Variants in ATG7 observed in about 807,000 individuals in gnomAD.
The protein encoded by ATG7 is ubiquitin-like modifier-activating enzyme ATG7.
In ATG7, 70 loss-of-function variants were observed where a neutral mutation model predicts 82.4. The observed-to-expected ratio is 0.85, with a 90% confidence interval of 0.70 to 1.04. ATG7 has a LOEUF of 1.04. Among genes scored for constraint, ATG7 ranks in the 50% least tolerant of loss-of-function variants. ATG7 has a pLI of 0.00. For synonymous variants in ATG7, 287 were observed against 313.0 expected, an observed-to-expected ratio of 0.92 and a Z score of 0.88; for missense variants, 792 against 864.3, an observed-to-expected ratio of 0.92 and a Z score of 1.05.
At chr3:11,312,459 G>A (rs1948811691) in intron 7 of ATG7, among the ~76,000 whole-genome samples, 1 of 152,152 alleles carries the variant, frequency 6.6e-6, no homozygotes, top group Non-Finnish European at 1.5e-5. Context: ...CCCTGGTGGG[G>A]GATCGGTCAG....
intron 11 of ATG7, among the ~76,000 whole-genome samples, chr3:11,336,290 T>C (rs1174334915): frequency 1.3e-5 from 2 of 151,910 alleles, no homozygotes; most frequent in Admixed American, 1.3e-4. Flanking sequence ...TGCCTCAGCC[T>C]CCCAAGGTGC....
chr3:11,429,028 C>T (rs567993225), intron 20 of ATG7, among the ~76,000 whole-genome samples: 2 of 152,166 alleles, frequency 1.3e-5, no homozygotes, highest in African/African-American at 2.4e-5. Context: ...CCTGAGTTTT[C>T]TTTTTGAATT....
downstream of ATG7, chr3:11,558,885 C>A (rs147201643): frequency 9.9e-5 from 157 of 1,579,586 alleles, 3 homozygotes; most frequent in South Asian, 1.8e-3. Context: ...CAGACAGGCA[C>A]GGTTGCAGCA....
intron 20 of ATG7, among the ~76,000 whole-genome samples, chr3:11,511,937 G>A (rs1293528568): frequency 6.6e-6 from 1 of 152,094 alleles, no homozygotes; most frequent in Non-Finnish European, 1.5e-5. Context: ...CAGCTGGCCT[G>A]CAAGCGCCGC....
intron 7 of ATG7, among the ~76,000 whole-genome samples, chr3:11,310,799 A>G (rs1488536519): frequency 6.6e-6 from 1 of 151,854 alleles, no homozygotes. Context: ...CACCCGGCTA[A>G]TTTTTTGTAT....
intron 9 of ATG7, among the ~76,000 whole-genome samples, chr3:11,322,828 G>A (rs1950385769): frequency 6.6e-6 from 1 of 152,238 alleles, no homozygotes; most frequent in South Asian, 2.1e-4. Context: ...GCTGAGCGTG[G>A]TGGCTCACGC....
chr3:11,566,962 C>T, the ATG7 span, among the ~76,000 whole-genome samples: 4 of 152,190 alleles, frequency 2.6e-5, no homozygotes, highest in African/African-American at 9.6e-5. Context: ...TGTGGGTGGG[C>T]AGAATCATGG....
rs1279155573 is a variant in ATG7 at position 11,557,488 on chromosome 3, C to A, written c.*2645C>A. ...TAAATGATGTCAGCCTGCAGCCAAA[C>A]TCCAGCATCCCACACCGCAGCTGAC... On this transcript the variant is annotated 3_prime_UTR_variant, in exon 21 of 21. Coordinates refer to ENST00000693202, the MANE Select transcript of ATG7 (RefSeq NM_001349232.2). 1 of 152,570 alleles carries A rather than the reference C, an allele frequency of 6.6e-6. No homozygotes were observed. Among genetic ancestry groups the A allele is most frequent in the African/African-American group, 2.4e-5 (1 of 41,460 alleles). The allele number at this position is 152,570 out of a possible 1,614,324, so 9.5% of individuals were successfully genotyped here.
intron 19 of ATG7, among the ~76,000 whole-genome samples, chr3:11,399,299 G>A (rs56252135): frequency 6.6e-6 from 1 of 152,182 alleles, no homozygotes; most frequent in Non-Finnish European, 1.5e-5. Flanking sequence ...AGTGAGCTGA[G>A]ATGGTGCCAC....
At chr3:11,303,706 A>T (rs1184913970) in intron 5 of ATG7, among the ~76,000 whole-genome samples, 2 of 151,434 alleles carry the variant, frequency 1.3e-5, no homozygotes, top group Non-Finnish European at 2.9e-5. Context: ...CTGGGCCTCA[A>T]ATGATCAACA....
chr3:11,573,174 AAGAC>A, the ATG7 span, among the ~76,000 whole-genome samples: 28 of 151,536 alleles, frequency 1.8e-4, no homozygotes, highest in East Asian at 3.9e-4. Context: ...TCAAGAAAGA[AAGAC>A]AGACAGACAG....
rs112439494 is a variant in ATG7 at position 11,290,028 on chromosome 3, C to T, written c.-11+7590C>T. Among the ~76,000 whole-genome samples the T allele has an allele frequency of 5.6e-4, 86 of 152,312 alleles. No homozygotes were observed. The Middle Eastern group carries it at 0.014, about 24-fold the overall frequency. Reference sequence around the variant, plus strand: ...CATATTGTCCCCATGTGTTTTCTCACATCCTGGTAGCTGCAGTCTATAGTA... The same window carrying T: ...CATATTGTCCCCATGTGTTTTCTCATATCCTGGTAGCTGCAGTCTATAGTA... On this transcript the variant is annotated intron_variant, in intron 3 of 20. Transcript: ENST00000693202.
chr3:11,494,462 G>T (rs919364198), intron 20 of ATG7, among the ~76,000 whole-genome samples: 3 of 152,206 alleles, frequency 2.0e-5, no homozygotes, highest in Admixed American at 6.5e-5. Flanking sequence ...GTCCATTTCT[G>T]TGTTAATTCA....
chr3:11,326,295 TTG>T lies in ATG7; in HGVS notation c.679-5043_679-5042del, dbSNP rs1553613979. On this transcript the variant is annotated intron_variant, in intron 9 of 20. Transcript: ENST00000693202. Reference sequence around the variant, plus strand: ...TAGAGTTGTAAATGCTGTTTTTTTTTTGTTGTTGTTGTTTTGTTTTTGAGACA... The same window carrying T: ...TAGAGTTGTAAATGCTGTTTTTTTTTTTGTTGTTGTTTTGTTTTTGAGACA... Among the ~76,000 whole-genome samples, 300 of 117,470 alleles carry T rather than the reference TTG, an allele frequency of 2.6e-3. 1 individual carries two copies. The highest frequency in any genetic ancestry group is 4.1e-3 in the Non-Finnish European group (227 of 55,040). 77.1% of individuals were successfully genotyped at this position (117,470 alleles called of 152,430 possible).
intron 20 of ATG7, among the ~76,000 whole-genome samples, chr3:11,451,714 G>A (rs1375162319): frequency 1.4e-5 from 2 of 148,126 alleles, no homozygotes; most frequent in Non-Finnish European, 3.0e-5. Flanking sequence ...ATACGAATTT[G>A]TAATGCTAAC....
intron 20 of ATG7, among the ~76,000 whole-genome samples, chr3:11,535,509 G>T (rs2092773739): frequency 1.3e-5 from 2 of 152,144 alleles, no homozygotes; most frequent in African/African-American, 4.8e-5. Flanking sequence ...GATGGATTAG[G>T]GGGAGGTGGT....
chr3:11,486,357 A>G (rs1458149697), intron 20 of ATG7, among the ~76,000 whole-genome samples: 1 of 152,196 alleles, frequency 6.6e-6, no homozygotes, highest in Non-Finnish European at 1.5e-5. Flanking sequence ...TTGCTGTATA[A>G]GAATGCTTGT....
At chr3:11,536,698 C>T (rs1340209399) in intron 20 of ATG7, among the ~76,000 whole-genome samples, 3 of 152,158 alleles carry the variant, frequency 2.0e-5, no homozygotes, top group Admixed American at 1.3e-4. Context: ...CCTGCTGCCC[C>T]GACCCTGCGG....
At chr3:11,279,462 G>C (rs1204342115) in intron 1 of ATG7, among the ~76,000 whole-genome samples, 3 of 152,282 alleles carry the variant, frequency 2.0e-5, no homozygotes, top group Admixed American at 2.0e-4. Context: ...GAGGCGGGTG[G>C]ATCACAAGGT....
Sources: allele counts gnomAD v4.1 joint callset (sites outside exome capture counted in the v4.1 genomes callset), GRCh38; gene constraint gnomAD v4.1.1; transcripts MANE v1.5; gene names NCBI Gene and HGNC (gene_info 2026-07-23, HGNC 2026-07-21).